Variants in PLXDC2 observed in about 807,000 individuals in gnomAD.
The protein encoded by PLXDC2 is plexin domain-containing protein 2.
A neutral mutation model predicts 68.9 loss-of-function variants in PLXDC2; 40 were observed. The ratio of observed to expected loss-of-function variants is 0.58; its 90% CI spans 0.45 to 0.76. PLXDC2 has a LOEUF of 0.76. PLXDC2 is among the 30% of genes least tolerant of loss of function. The probability of loss-of-function intolerance (pLI) is 0.00; values close to 1 mark genes in which losing one functional copy is unlikely to be tolerated. For missense variants in PLXDC2, 644 were observed against 661.9 expected, an observed-to-expected ratio of 0.97 and a Z score of 0.30; for synonymous variants, 243 against 234.2, an observed-to-expected ratio of 1.04 and a Z score of -0.34.
At chr10:19,839,934 T>A (rs2131316971) in intron 1 of PLXDC2, among the ~76,000 whole-genome samples, 1 of 152,326 alleles carries the variant, frequency 6.6e-6, no homozygotes, top group South Asian at 2.1e-4. Flanking sequence ...TAAAATTTCA[T>A]CGTTTGAATA....
At chr10:19,998,245 A>T (rs1405514152) in intron 1 of PLXDC2, among the ~76,000 whole-genome samples, 1 of 152,204 alleles carries the variant, frequency 6.6e-6, no homozygotes, top group Non-Finnish European at 1.5e-5. Context: ...AAACATTTGT[A>T]TGAGTTTGAA....
At chr10:19,916,759 C>G (rs1426020025) in intron 1 of PLXDC2, among the ~76,000 whole-genome samples, 1 of 152,110 alleles carries the variant, frequency 6.6e-6, no homozygotes, top group African/African-American at 2.4e-5. Flanking sequence ...TAAATATGTA[C>G]AATACCTGGC....
intron 4 of PLXDC2, among the ~76,000 whole-genome samples, chr10:20,091,946 G>A (rs1833282759): frequency 1.3e-5 from 2 of 152,128 alleles, no homozygotes; most frequent in South Asian, 4.2e-4. Flanking sequence ...AAGCACCTAG[G>A]CAAATGCCTA....
intron 13 of PLXDC2, among the ~76,000 whole-genome samples, chr10:20,268,218 T>A (rs1835895197): frequency 6.6e-6 from 1 of 152,206 alleles, no homozygotes; most frequent in South Asian, 2.1e-4. Context: ...TTTCAACCTC[T>A]GAATTGATTT....
intron 12 of PLXDC2, among the ~76,000 whole-genome samples, chr10:20,221,146 AC>A (rs5783728): frequency 0.21 from 31,418 of 151,742 alleles, 5,650 homozygotes; most frequent in African/African-American, 0.49. Flanking sequence ...CACGGCCAAC[AC>A]TTTTTTTATG....
At chr10:19,894,704 G>A (rs1275093312) in intron 1 of PLXDC2, among the ~76,000 whole-genome samples, 1 of 152,134 alleles carries the variant, frequency 6.6e-6, no homozygotes, top group Non-Finnish European at 1.5e-5. Flanking sequence ...GGTAATTAGA[G>A]AAATGCAAAT....
In PLXDC2 at chr10:19,934,873, CAG is replaced by C. The variant is rs199580757; in HGVS notation, c.113-66900_113-66899del. Among the ~76,000 whole-genome samples the C allele has an allele frequency of 4.4e-3, 672 of 151,846 alleles. 4 individuals are homozygous for C. The highest frequency in any genetic ancestry group is 0.016 in the African/African-American group (646 of 41,322). ...TTGTGTTTCTTTCACTAAGGTGAAA[CAG>C]ACCCTTTCACTGGCTTTTTAGTAAA... On this transcript the variant is annotated intron_variant, in intron 1 of 13. Transcript: ENST00000377252.
At position 20,068,418 on chromosome 10, in the gene PLXDC2, C is replaced by A. The variant is rs191476943; in HGVS notation, c.541+179C>A. ...TATGGTTATTGGAAAAACTTCTCAGCAGACAAAAAAAGTATTTATAATAAT... is the reference window on the plus strand; with the variant it reads ...TATGGTTATTGGAAAAACTTCTCAGAAGACAAAAAAAGTATTTATAATAAT... On this transcript the variant is annotated intron_variant, in intron 4 of 13. Transcript: ENST00000377252. 9.0e-4 allele frequency among the ~76,000 whole-genome samples: 136 copies of A among 151,812 alleles called. 2 individuals carry two copies. The highest frequency in any genetic ancestry group is 2.5e-3 in the Admixed American group (38 of 15,256).
intron 1 of PLXDC2, among the ~76,000 whole-genome samples, chr10:19,872,925 T>G (rs1837566954): frequency 6.6e-6 from 1 of 152,166 alleles, no homozygotes; most frequent in Non-Finnish European, 1.5e-5. Context: ...CTGGACTGTT[T>G]GGTTCACTCC....
intron 2 of PLXDC2, among the ~76,000 whole-genome samples, chr10:20,026,487 T>A (rs142244858): frequency 1.1e-4 from 16 of 152,332 alleles, no homozygotes; most frequent in African/African-American, 3.4e-4. Flanking sequence ...TGAAGTGGTA[T>A]CTTTTCAGGA....
chr10:20,044,234 T>G (rs1375537197), intron 2 of PLXDC2, among the ~76,000 whole-genome samples: 1 of 90,838 alleles, frequency 1.1e-5, no homozygotes. Flanking sequence ...TCTTTCTTTC[T>G]TTCTTTCTTT....
At chr10:19,974,755 T>A (rs1240800057) in intron 1 of PLXDC2, among the ~76,000 whole-genome samples, 1 of 152,196 alleles carries the variant, frequency 6.6e-6, no homozygotes, top group African/African-American at 2.4e-5. Context: ...CTAGTTGGCA[T>A]TCAATAGATT....
chr10:20,018,008 A>C (rs150875302), intron 2 of PLXDC2, among the ~76,000 whole-genome samples: 19 of 152,360 alleles, frequency 1.2e-4, no homozygotes, highest in African/African-American at 3.8e-4. Flanking sequence ...GGCATGTAGG[A>C]ACCTGGGCCC....
At chr10:20,059,693 A>G (rs960781572) in intron 3 of PLXDC2, among the ~76,000 whole-genome samples, 18 of 152,000 alleles carry the variant, frequency 1.2e-4, no homozygotes, top group African/African-American at 3.9e-4. Context: ...TTGATCTTTT[A>G]ATTAGGTTTC....
At chr10:19,873,206 G>A (rs752387955) in intron 1 of PLXDC2, among the ~76,000 whole-genome samples, 1 of 152,090 alleles carries the variant, frequency 6.6e-6, no homozygotes, top group Non-Finnish European at 1.5e-5. Flanking sequence ...AGATGCCTTA[G>A]AAATGATAAA....
At chr10:19,912,467 T>G (rs2131374981) in intron 1 of PLXDC2, among the ~76,000 whole-genome samples, 1 of 152,274 alleles carries the variant, frequency 6.6e-6, no homozygotes, top group Admixed American at 6.5e-5. Flanking sequence ...AAACATCTCT[T>G]ATGTAGGCTA....
rs12245937 is a variant in PLXDC2, at chr10:20,278,129, T to C, written c.1474-1574T>C. Among the ~76,000 whole-genome samples the C allele has an allele frequency of 6.1e-3, 922 of 152,326 alleles. 6 individuals carry two copies. The highest frequency in any genetic ancestry group is 0.02 in the African/African-American group (841 of 41,584). On this transcript the variant is annotated intron_variant, in intron 13 of 13. Transcript: ENST00000377252. ...TCAGTTACTTCCAAATCTTGGCTAC[T>C]GTGAACAGTATAGCACAATGTCTTT...
At chr10:19,835,440 G>C (rs942226709) in intron 1 of PLXDC2, among the ~76,000 whole-genome samples, 1 of 152,178 alleles carries the variant, frequency 6.6e-6, no homozygotes, top group Non-Finnish European at 1.5e-5. Context: ...ATAGAAACAT[G>C]AGCTCAACCT....
chr10:20,050,425 A>T (rs1835876282), intron 3 of PLXDC2, among the ~76,000 whole-genome samples: 1 of 152,196 alleles, frequency 6.6e-6, no homozygotes, highest in African/African-American at 2.4e-5. Context: ...GTAAAGAGAC[A>T]TCCTACAGAA....
Sources: allele counts gnomAD v4.1 joint callset (sites outside exome capture counted in the v4.1 genomes callset), GRCh38; gene constraint gnomAD v4.1.1; transcripts MANE v1.5; gene names NCBI Gene and HGNC (gene_info 2026-07-23, HGNC 2026-07-21).